SBF2: variants seen among roughly 807,000 people sequenced by gnomAD.
The protein encoded by SBF2 is SET binding factor 2, also known as myotubularin-related protein 13.
SBF2 carries 112 observed loss-of-function variants against 225.2 expected under a neutral mutation model. That is an observed-to-expected ratio of 0.50 (90% CI 0.43 to 0.58). The LOEUF is 0.58. Among genes scored for constraint, SBF2 ranks in the 20% least tolerant of loss-of-function variants. The pLI is 0.00. For synonymous variants in SBF2, 763 were observed against 773.3 expected, an observed-to-expected ratio of 0.99 and a Z score of 0.22; for missense variants, 1,996 against 2,206.2, an observed-to-expected ratio of 0.90 and a Z score of 1.91.
intron 2 of SBF2, among the ~76,000 whole-genome samples, chr11:10,141,695 C>G (rs16907496): frequency 6.6e-6 from 1 of 152,032 alleles, no homozygotes; most frequent in African/African-American, 2.4e-5. Flanking sequence ...CTCATAAATA[C>G]TAGTAAGTAT....
Position 9,842,781 on chromosome 11 carries a change from T to C in SBF2, c.3111-11A>G. 2 of 1,613,830 alleles carry C rather than the reference T, an allele frequency of 1.2e-6. No homozygotes were observed. Among genetic ancestry groups the C allele is most frequent in the Non-Finnish European group, 1.7e-6 (2 of 1,179,784 alleles). ...GTTTTTGAGAAGGTACTACAAGTCATAAAACCAAAGAGAATGTCAACTTAA... is the reference window on the plus strand; with the variant it reads ...GTTTTTGAGAAGGTACTACAAGTCACAAAACCAAAGAGAATGTCAACTTAA... On this transcript the variant is annotated splice_polypyrimidine_tract_variant and intron_variant, in intron 24 of 39. Coordinates refer to ENST00000256190, the MANE Select transcript of SBF2 (RefSeq NM_030962.4).
intron 28 of SBF2, among the ~76,000 whole-genome samples, chr11:9,824,959 C>G (rs988811054): frequency 6.6e-6 from 1 of 152,102 alleles, no homozygotes; most frequent in Non-Finnish European, 1.5e-5. Flanking sequence ...TCTTTTAGTT[C>G]AAATTCACTG....
Position 9,846,957 on chromosome 11 carries a change from T to C in SBF2, c.2933A>G (p.Gln978Arg), listed in dbSNP as rs1856593044. 6.2e-7 allele frequency: 1 copy of C among 1,613,680 alleles called. No individual in the cohort carries two copies. Among genetic ancestry groups the C allele is most frequent in the African/African-American group, 1.3e-5 (1 of 75,038 alleles). The change falls in exon 23 of 40, where the codon CAG (glutamine) becomes CGG (arginine). Residue 978 changes from glutamine to arginine, a missense_variant and splice_region_variant. Coordinates refer to ENST00000256190, the MANE Select transcript of SBF2 (RefSeq NM_030962.4). ...AACAATGGCTTCCTTTTTTAATACC[T>C]GAAAAGATGCTGATGTGATCTGCAG... ...EGLQITSASF[Q>R]LIKVAFDEEV...
At chr11:9,894,503 C>A (rs188629685) in intron 17 of SBF2, among the ~76,000 whole-genome samples, 1 of 146,934 alleles carries the variant, frequency 6.8e-6, no homozygotes, top group African/African-American at 2.5e-5. Flanking sequence ...GGCGACAGAG[C>A]GAGACCCTGT....
chr11:10,132,109 G>A (rs1340357938), intron 2 of SBF2, among the ~76,000 whole-genome samples: 1 of 152,130 alleles, frequency 6.6e-6, no homozygotes, highest in Non-Finnish European at 1.5e-5. Flanking sequence ...CCCCACTTCT[G>A]AAGAATACTA....
intron 28 of SBF2, 123 bp from the exon 29 acceptor site, chr11:9,817,147 A>G (rs1159426527): frequency 5.0e-6 from 5 of 1,001,032 alleles, no homozygotes; most frequent in Non-Finnish European, 7.8e-6. Flanking sequence ...TAATCTAAAA[A>G]CCGTAAGTCA....
chr11:9,853,771 T>G, intron 19 of SBF2, 59 bp from the exon 20 acceptor site: 1 of 1,470,242 alleles, frequency 6.8e-7, no homozygotes, highest in Non-Finnish European at 9.5e-7. Context: ...ATGACTACTA[T>G]ATAGTAGTCA....
At chr11:10,242,358 T>G (rs1286259574) in intron 1 of SBF2, among the ~76,000 whole-genome samples, 1 of 151,164 alleles carries the variant, frequency 6.6e-6, no homozygotes, top group African/African-American at 2.4e-5. Flanking sequence ...AAAACACCCA[T>G]AGTAGGTACA....
At chr11:10,159,434 T>C (rs944680630) in intron 2 of SBF2, among the ~76,000 whole-genome samples, 1 of 152,192 alleles carries the variant, frequency 6.6e-6, no homozygotes, top group African/African-American at 2.4e-5. Context: ...TTGCAGACCC[T>C]GCACTTGACA....
At chr11:10,098,678 T>TGC (rs1491358040) in intron 2 of SBF2, among the ~76,000 whole-genome samples, 6 of 65,758 alleles carry the variant, frequency 9.1e-5, no homozygotes, top group Non-Finnish European at 9.6e-5. Flanking sequence ...AGACAAAAAA[T>TGC]GCACACACAC....
At chr11:10,129,716 G>A (rs903463000) in intron 2 of SBF2, among the ~76,000 whole-genome samples, 6 of 151,882 alleles carry the variant, frequency 4.0e-5, no homozygotes, top group African/African-American at 9.7e-5. Context: ...TTTTACCTAC[G>A]GACAGCGTCT....
intron 2 of SBF2, among the ~76,000 whole-genome samples, chr11:10,132,252 G>T (rs1954094736): frequency 6.6e-6 from 1 of 152,070 alleles, no homozygotes; most frequent in Non-Finnish European, 1.5e-5. Flanking sequence ...TATATATTTG[G>T]TTTCTGCCCC....
At chr11:9,792,539 A>C (rs1852817915) in intron 33 of SBF2, among the ~76,000 whole-genome samples, 1 of 152,162 alleles carries the variant, frequency 6.6e-6, no homozygotes, top group Admixed American at 6.5e-5. Context: ...AGGTGTTCCT[A>C]AACAAGGTTT....
chr11:10,218,486 C>G (rs1423531176), intron 1 of SBF2, among the ~76,000 whole-genome samples: 1 of 152,038 alleles, frequency 6.6e-6, no homozygotes. Context: ...ATTTCTCAAC[C>G]AATCATGCCT....
chr11:10,084,946 C>T (rs1046438527), intron 2 of SBF2, among the ~76,000 whole-genome samples: 37 of 151,892 alleles, frequency 2.4e-4, no homozygotes, highest in African/African-American at 8.7e-4. Context: ...GGAGCTATGG[C>T]GGGGGTAGCA....
At chr11:10,005,812 G>A (rs943944317) in intron 6 of SBF2, among the ~76,000 whole-genome samples, 5 of 152,050 alleles carry the variant, frequency 3.3e-5, no homozygotes, top group Admixed American at 1.3e-4. Flanking sequence ...ACACAGTTTC[G>A]TTTGCTCTTT....
Position 10,004,574 on chromosome 11 carries a change from TAA to T in SBF2, c.620-1887_620-1886del, listed in dbSNP as rs763688115. On this transcript the variant is annotated intron_variant, in intron 6 of 39. Coordinates refer to ENST00000256190, the MANE Select transcript of SBF2 (RefSeq NM_030962.4). The stretch of plus-strand genomic sequence containing the variant: ...TCCTAAGTAAGATAGCTACAAAAAT[TAA>T]AAAAAAAAAAAAAAAAAAACAAACT... Among the ~76,000 whole-genome samples, 25 of 85,524 alleles carry T rather than the reference TAA, an allele frequency of 2.9e-4. No homozygotes were observed. In the East Asian group the frequency reaches 3.6e-3, roughly 12 times the overall value. The allele number at this position is 85,524 out of a possible 152,430, so 56.1% of individuals were successfully genotyped here. A position where few individuals can be genotyped will look rare whatever the true frequency, so the allele number is the denominator to read the frequency against.
intron 9 of SBF2, among the ~76,000 whole-genome samples, chr11:9,995,899 A>G (rs1334136159): frequency 6.7e-6 from 1 of 149,270 alleles, no homozygotes; most frequent in Admixed American, 6.7e-5. Context: ...ACCTCAGATG[A>G]TCCGCCCGCC....
chr11:9,964,440 T>G (rs1302725306), intron 14 of SBF2, among the ~76,000 whole-genome samples: 2 of 152,198 alleles, frequency 1.3e-5, no homozygotes, highest in African/African-American at 4.8e-5. Flanking sequence ...TAATTCACAT[T>G]GCAAAGTAAA....
Sources: gnomAD v4.1 joint callset for allele counts (sites outside exome capture counted in the v4.1 genomes callset) on GRCh38, gnomAD v4.1.1 for gene constraint, MANE v1.5 for transcripts, NCBI Gene and HGNC (gene_info 2026-07-23, HGNC 2026-07-21) for gene names.